STK39: variants seen among roughly 807,000 people sequenced by gnomAD.
The protein encoded by STK39 is STE20/SPS1-related proline-alanine-rich protein kinase.
STK39 carries 20 observed loss-of-function variants against 77.8 expected under a neutral mutation model. The ratio of observed to expected loss-of-function variants is 0.26; its 90% CI spans 0.18 to 0.37. The LOEUF is 0.37. STK39 is among the 10% of genes least tolerant of loss of function. The probability of loss-of-function intolerance (pLI) is 1.00; values close to 1 mark genes in which losing one functional copy is unlikely to be tolerated. For synonymous variants in STK39, 246 were observed against 234.1 expected (o/e 1.05, Z -0.47); for missense variants, 479 against 656.5 (o/e 0.73, Z 2.95).
At chr2:168,005,215 T>C (rs993472724) in intron 16 of STK39, among the ~76,000 whole-genome samples, 2 of 151,936 alleles carry the variant, frequency 1.3e-5, no homozygotes, top group Admixed American at 6.5e-5. Flanking sequence ...CATGTTGGCC[T>C]GGCTGGTCTC....
At chr2:168,039,717 T>A (rs1430633308) in intron 14 of STK39, among the ~76,000 whole-genome samples, 8 of 152,164 alleles carry the variant, frequency 5.3e-5, no homozygotes, top group Non-Finnish European at 8.8e-5. Context: ...ATGTTCTGTG[T>A]CTTGATGACT....
chr2:168,108,134 T>C (rs1687027874), intron 10 of STK39, among the ~76,000 whole-genome samples: 1 of 152,232 alleles, frequency 6.6e-6, no homozygotes, highest in Non-Finnish European at 1.5e-5. Flanking sequence ...GCCTAAAGCA[T>C]AACTGCTGTA....
chr2:168,212,798 C>T (rs536232192), intron 1 of STK39, among the ~76,000 whole-genome samples: 2 of 152,280 alleles, frequency 1.3e-5, no homozygotes, highest in Admixed American at 6.5e-5. Flanking sequence ...AAGGGTCCTC[C>T]GATCATCCTC....
intron 10 of STK39, among the ~76,000 whole-genome samples, chr2:168,096,959 G>A (rs1289845632): frequency 1.3e-5 from 2 of 152,110 alleles, no homozygotes; most frequent in Admixed American, 1.3e-4. Context: ...TACTATAGGG[G>A]AGAGAAGAAA....
intron 14 of STK39, among the ~76,000 whole-genome samples, chr2:168,058,198 C>A (rs1685574991): frequency 6.6e-6 from 1 of 152,202 alleles, no homozygotes; most frequent in African/African-American, 2.4e-5. Flanking sequence ...CCCCATCACT[C>A]CACTGAAAAT....
chr2:168,218,379 C>A (rs1690076746), intron 1 of STK39, among the ~76,000 whole-genome samples: 1 of 152,232 alleles, frequency 6.6e-6, no homozygotes, highest in African/African-American at 2.4e-5. Flanking sequence ...CATGTATGAT[C>A]TTTTCCGCTA....
At chr2:167,977,528 C>T (rs1683309151) in intron 16 of STK39, among the ~76,000 whole-genome samples, 1 of 147,946 alleles carries the variant, frequency 6.8e-6, no homozygotes, top group Admixed American at 6.7e-5. Flanking sequence ...CAGGAATACC[C>T]AGAATTCATC....
rs556721343 is a variant in STK39, at chr2:168,076,460, C to T, written c.1090-1229G>A. On this transcript the variant is annotated intron_variant, in intron 10 of 17. Transcript: ENST00000355999. Reference sequence around the variant, plus strand: ...GCTTCAGTAAAACCAAGGGAAACAACACAGAACTTAAATTTAAATATTTAA... The same window carrying T: ...GCTTCAGTAAAACCAAGGGAAACAATACAGAACTTAAATTTAAATATTTAA... Among the ~76,000 whole-genome samples the T allele has an allele frequency of 2.0e-5, 3 of 152,110 alleles. No individual in the cohort carries two copies. The East Asian group carries it at 5.8e-4, about 29-fold the overall frequency.
Position 167,954,463 on chromosome 2 carries a change from A to G in STK39, c.*1033T>C, listed in dbSNP as rs1481626551. ...CACCTGGGTATTCTGCAAAATTTCA[A>G]GTAAAACTCAGATTCTGATATTTTC... is the stretch of plus-strand genomic sequence containing the variant. On this transcript the variant is annotated 3_prime_UTR_variant, in exon 18 of 18. Coordinates refer to ENST00000355999, the MANE Select transcript of STK39 (RefSeq NM_013233.3). The G allele has an allele frequency of 6.5e-6, 1 of 152,674 alleles. No homozygotes were observed. Among genetic ancestry groups the G allele is most frequent in the Admixed American group, 6.5e-5 (1 of 15,282 alleles). The allele number at this position is 152,674 out of a possible 1,614,324, so 9.5% of individuals were successfully genotyped here. A position where few individuals can be genotyped will look rare whatever the true frequency, so the allele number is the denominator to read the frequency against.
intron 16 of STK39, among the ~76,000 whole-genome samples, chr2:167,994,756 A>T (rs746754759): frequency 2.0e-5 from 3 of 152,340 alleles, no homozygotes; most frequent in Non-Finnish European, 2.9e-5. Flanking sequence ...TTCATTTCAT[A>T]GAATTTTAAT....
At chr2:167,957,877 CAGA>C (rs1289498985) in intron 17 of STK39, among the ~76,000 whole-genome samples, 2 of 152,168 alleles carry the variant, frequency 1.3e-5, no homozygotes, top group Non-Finnish European at 2.9e-5. Context: ...GAGAACATCA[CAGA>C]AGGAGTCTTC....
chr2:167,980,244 G>A (rs1011023800), intron 16 of STK39, among the ~76,000 whole-genome samples: 7 of 152,088 alleles, frequency 4.6e-5, no homozygotes, highest in African/African-American at 1.4e-4. Context: ...CTCTCTTTAC[G>A]ATCTTGTCAC....
At chr2:168,057,654 C>A (rs933160994) in intron 14 of STK39, among the ~76,000 whole-genome samples, 7 of 152,164 alleles carry the variant, frequency 4.6e-5, no homozygotes, top group African/African-American at 1.4e-4. Flanking sequence ...TCTGCATTTC[C>A]CTAGAAAATT....
chr2:168,045,181 A>G (rs969834101), intron 14 of STK39, among the ~76,000 whole-genome samples: 1 of 152,258 alleles, frequency 6.6e-6, no homozygotes. Flanking sequence ...GGTTAAAAAA[A>G]AAATCAAGTT....
chr2:168,227,962 G>A (rs1228955175), intron 1 of STK39, among the ~76,000 whole-genome samples: 1 of 152,038 alleles, frequency 6.6e-6, no homozygotes, highest in African/African-American at 2.4e-5. Flanking sequence ...TGGCCAAAAC[G>A]ATTTTTCTAC....
intron 5 of STK39, among the ~76,000 whole-genome samples, chr2:168,154,589 T>A (rs889215996): frequency 1.3e-5 from 2 of 152,234 alleles, no homozygotes; most frequent in Non-Finnish European, 2.9e-5. Flanking sequence ...TTTATCCCCA[T>A]TACAACCTAT....
chr2:168,108,493 A>G (rs566301862), intron 10 of STK39, among the ~76,000 whole-genome samples: 1 of 152,208 alleles, frequency 6.6e-6, no homozygotes, highest in East Asian at 1.9e-4. Context: ...GAGTGCAGTG[A>G]GCCATGACTG....
At chr2:167,988,939 T>C (rs1235731864) in intron 16 of STK39, among the ~76,000 whole-genome samples, 3 of 152,162 alleles carry the variant, frequency 2.0e-5, no homozygotes, top group African/African-American at 7.2e-5. Context: ...ACTGAGAGCT[T>C]CAACCAAGAG....
chr2:168,035,912 T>C (rs1024354927), intron 14 of STK39, among the ~76,000 whole-genome samples: 1 of 152,134 alleles, frequency 6.6e-6, no homozygotes, highest in African/African-American at 2.4e-5. Context: ...ACATAACACA[T>C]TGTAAGCACA....
Sources: gnomAD v4.1 joint callset for allele counts (sites outside exome capture counted in the v4.1 genomes callset) on GRCh38, gnomAD v4.1.1 for gene constraint, MANE v1.5 for transcripts, NCBI Gene and HGNC (gene_info 2026-07-23, HGNC 2026-07-21) for gene names.